GLMN: variants seen among roughly 807,000 people sequenced by gnomAD.
GLMN encodes glomulin.
Under a neutral mutation model 87.8 loss-of-function variants are expected in GLMN, and 75 were observed. The ratio of observed to expected loss-of-function variants is 0.85; its 90% CI spans 0.71 to 1.04. The LOEUF is 1.04. GLMN is among the 50% of genes least tolerant of loss of function. The pLI is 0.00. For synonymous variants in GLMN, 206 were observed against 221.6 expected, an observed-to-expected ratio of 0.93 and a Z score of 0.63; for missense variants, 588 against 658.8, an observed-to-expected ratio of 0.89 and a Z score of 1.18.
intron 16 of GLMN, among the ~76,000 whole-genome samples, chr1:92,255,278 C>G (rs1440591610): frequency 6.6e-6 from 1 of 151,662 alleles, no homozygotes; most frequent in Admixed American, 6.6e-5. Context: ...TAGAGACCTA[C>G]AGAGACTTAG....
At position 92,290,215 on chromosome 1, in the gene GLMN, A is replaced by T; in HGVS notation, c.377T>A (p.Leu126His). The change falls in exon 5 of 19, where the codon CTT (leucine) becomes CAT (histidine). Residue 126 changes from leucine to histidine, a missense_variant. Leu to His is a moderately conservative substitution (Grantham distance 99). Transcript: ENST00000370360. ...KQISQSILLL[L>H]QPLQTVIQKL... ...CTCATTACCTGTTTGTAATGGCTGA[A>T]GCAAAAGAAGAATACTTTGGGATAT... 6.3e-7 allele frequency: 1 copy of T among 1,595,418 alleles called. No homozygotes were observed. The highest frequency in any genetic ancestry group is 8.6e-7 in the Non-Finnish European group (1 of 1,163,262).
chr1:92,299,724 G>A (rs1650662730), upstream of GLMN, among the ~76,000 whole-genome samples: 1 of 152,154 alleles, frequency 6.6e-6, no homozygotes, highest in Admixed American at 6.5e-5. Context: ...AAAACAAATT[G>A]CTCTCCCTTC....
chr1:92,279,881 G>A (rs1056370319), intron 7 of GLMN, among the ~76,000 whole-genome samples: 4 of 152,030 alleles, frequency 2.6e-5, no homozygotes, highest in Non-Finnish European at 4.4e-5. Flanking sequence ...ATCGACCTGC[G>A]AGGCTGCAGC....
chr1:92,316,387 A>G, the GLMN span, among the ~76,000 whole-genome samples: 50 of 152,322 alleles, frequency 3.3e-4, no homozygotes, highest in East Asian at 6.8e-3. Flanking sequence ...ATAGATTTGA[A>G]AAGTTCTCAC....
At chr1:92,303,633 C>CA (rs1651016199), upstream of GLMN, among the ~76,000 whole-genome samples, 1 of 151,904 alleles carries the variant, frequency 6.6e-6, no homozygotes, top group Admixed American at 6.6e-5. Context: ...AATACTTTTT[C>CA]AAAAATAAAA....
chr1:92,280,971 A>G (rs1423862640), intron 7 of GLMN, among the ~76,000 whole-genome samples: 1 of 152,246 alleles, frequency 6.6e-6, no homozygotes, highest in Non-Finnish European at 1.5e-5. Context: ...GACTATGTGA[A>G]AAGACCAAAT....
chr1:92,311,277 G>T, the GLMN span, among the ~76,000 whole-genome samples: 1 of 152,116 alleles, frequency 6.6e-6, no homozygotes, highest in Non-Finnish European at 1.5e-5. Context: ...TGGTTCTAAT[G>T]ATTTACAGTT....
intron 15 of GLMN, 31 bp downstream of exon 15, chr1:92,263,592 A>T: frequency 1.1e-6 from 1 of 909,852 alleles, no homozygotes; most frequent in Non-Finnish European, 1.9e-6. Flanking sequence ...TTCTGAATTT[A>T]CTATGTGAAC....
chr1:92,340,623 G>A, the GLMN span, among the ~76,000 whole-genome samples: 2 of 152,292 alleles, frequency 1.3e-5, no homozygotes, highest in East Asian at 3.9e-4. Context: ...CTAGGGTTGG[G>A]CTCAGACATT....
chr1:92,323,388 T>C, the GLMN span: 2 of 1,271,950 alleles, frequency 1.6e-6, no homozygotes, highest in East Asian at 2.3e-5. Flanking sequence ...TTCTATTGTT[T>C]TCGGGTTTTA....
chr1:92,332,973 A>G, the GLMN span, among the ~76,000 whole-genome samples: 6 of 152,070 alleles, frequency 3.9e-5, no homozygotes, highest in African/African-American at 1.4e-4. Context: ...GTCGGTTTGA[A>G]TTATCTTGTC....
chr1:92,264,559 AT>A lies in GLMN; in HGVS notation c.1293del (p.Leu432Ter), dbSNP rs753288794. On this transcript the variant is annotated frameshift_variant, in exon 14 of 19. Transcript: ENST00000370360. LOFTEE classifies it high-confidence loss of function. ...IQNIKNQIDMSLKRTRNNKWF... is the reference protein window; with the variant it reads ...IQNIKNQIDMXLKRTRNNKWF... ...CACTTTGGCTATGTTCTTACCTTTA[AT>A]GACATGTCAATTTGATTTTTGATAT... is the stretch of plus-strand genomic sequence containing the variant. 5.4e-6 allele frequency: 8 copies of A among 1,487,148 alleles called. No individual in the cohort carries two copies. The highest frequency in any genetic ancestry group is 7.5e-6 in the Non-Finnish European group (8 of 1,064,486). The allele number at this position is 1,487,148 out of a possible 1,614,324, so 92.1% of individuals were successfully genotyped here.
chr1:92,288,903 AT>A lies in GLMN; in HGVS notation c.632+10del, dbSNP rs749306088. ...AAGTCCACTGTGAGATGTTCTTAAA[AT>A]TATACTTACAATTTCAGTAATTCAT... On this transcript the variant is annotated intron_variant, in intron 6 of 18. Transcript: ENST00000370360. 1.5e-6 allele frequency: 2 copies of A among 1,309,780 alleles called. No individual in the cohort carries two copies. The highest frequency in any genetic ancestry group is 2.2e-6 in the Non-Finnish European group (2 of 902,954). 81.1% of individuals were successfully genotyped at this position (1,309,780 alleles called of 1,614,324 possible). A position where few individuals can be genotyped will look rare whatever the true frequency, so the allele number is the denominator to read the frequency against.
the GLMN span, among the ~76,000 whole-genome samples, chr1:92,324,535 T>C: frequency 6.6e-6 from 1 of 152,374 alleles, no homozygotes; most frequent in South Asian, 2.1e-4. Flanking sequence ...ATCTCCACTG[T>C]TGGCATTACT....
chr1:92,355,675 A>G, the GLMN span, among the ~76,000 whole-genome samples: 2 of 152,214 alleles, frequency 1.3e-5, no homozygotes. Flanking sequence ...ACTTTAGTTG[A>G]CATTATACAG....
At chr1:92,295,318 T>G (rs1051624253) in intron 3 of GLMN, among the ~76,000 whole-genome samples, 12 of 147,126 alleles carry the variant, frequency 8.2e-5, no homozygotes, top group African/African-American at 2.2e-4. Context: ...TAAATTCTTG[T>G]TTTTTTTTTT....
chr1:92,270,034 G>C (rs1190162278), intron 8 of GLMN, among the ~76,000 whole-genome samples: 1 of 152,116 alleles, frequency 6.6e-6, no homozygotes, highest in East Asian at 1.9e-4. Context: ...ACAGACACAA[G>C]CACACAGGGA....
the GLMN span, among the ~76,000 whole-genome samples, chr1:92,362,214 C>T: frequency 6.6e-6 from 1 of 152,160 alleles, no homozygotes; most frequent in Non-Finnish European, 1.5e-5. Flanking sequence ...TGTGTTTTCT[C>T]CTCTGTTGTT....
the GLMN span, among the ~76,000 whole-genome samples, chr1:92,339,251 A>G: frequency 6.6e-6 from 1 of 152,240 alleles, no homozygotes; most frequent in East Asian, 1.9e-4. Flanking sequence ...GATTTGCTCA[A>G]ATTTGGAAGC....
Sources: allele counts gnomAD v4.1 joint callset (sites outside exome capture counted in the v4.1 genomes callset), GRCh38; gene constraint gnomAD v4.1.1; transcripts MANE v1.5; gene names NCBI Gene and HGNC (gene_info 2026-07-23, HGNC 2026-07-21).